RALGPS1: variants seen among roughly 807,000 people sequenced by gnomAD.
RALGPS1 encodes the protein ras-specific guanine nucleotide-releasing factor RalGPS1.
Under a neutral mutation model 78.8 loss-of-function variants are expected in RALGPS1, and 19 were observed. That is an observed-to-expected ratio of 0.24 (90% CI 0.17 to 0.35). The LOEUF is 0.35. Ranked by LOEUF, RALGPS1 falls within the 10% of genes least tolerant of loss-of-function variation. The pLI is 1.00. For missense variants in RALGPS1, 454 were observed against 688.3 expected (o/e 0.66, Z 3.81); for synonymous variants, 228 against 256.3 (o/e 0.89, Z 1.06).
chr9:126,920,886 C>G lies in RALGPS1; in HGVS notation c.-66+5911C>G, dbSNP rs117873451. ...GGCCAAGCAGTTTCAGGCTCGGGGC[C>G]AGGCAGACCCGGGTTCAAATCCTGC... On this transcript the variant is annotated intron_variant, in intron 1 of 18. Coordinates refer to ENST00000259351, the MANE Select transcript of RALGPS1 (RefSeq NM_014636.3). Among the ~76,000 whole-genome samples the G allele has an allele frequency of 2.5e-3, 385 of 152,278 alleles. 14 individuals are homozygous for G. In the East Asian group the frequency reaches 0.062, roughly 24 times the overall value.
intron 4 of RALGPS1, among the ~76,000 whole-genome samples, chr9:126,978,500 T>C (rs768851825): frequency 1.3e-4 from 20 of 150,720 alleles, no homozygotes; most frequent in Non-Finnish European, 2.8e-4. Context: ...AGTAGCTGAA[T>C]AGGGAGGCTG....
At chr9:127,035,457 G>T (rs2046784385) in intron 5 of RALGPS1, among the ~76,000 whole-genome samples, 2 of 152,188 alleles carry the variant, frequency 1.3e-5, no homozygotes, top group African/African-American at 2.4e-5. Context: ...TTGTACTGTT[G>T]TACTGTTGAC....
At position 127,142,545 on chromosome 9, in the gene RALGPS1, T is replaced by C. The variant is rs527765987; in HGVS notation, c.611-23524T>C. Among the ~76,000 whole-genome samples, 4 of 152,244 alleles carry C rather than the reference T, an allele frequency of 2.6e-5. No homozygotes were observed. In the East Asian group the frequency reaches 7.7e-4, roughly 29 times the overall value. On this transcript the variant is annotated intron_variant, in intron 8 of 18. Transcript: ENST00000259351. ...CATGGAGTGTCCAAACAGGTCAGAT[T>C]GAGTTAGCAGGTCCAGGACTCCCTC...
chr9:126,993,256 T>G lies in RALGPS1; in HGVS notation c.216+15511T>G, dbSNP rs141728954. On this transcript the variant is annotated intron_variant, in intron 4 of 18. Coordinates refer to ENST00000259351, the MANE Select transcript of RALGPS1 (RefSeq NM_014636.3). ...GTTATGATGAATTAATTATCTTTTT[T>G]GTATATTGTTGGATTTGATTTGTTA... 4.6e-4 allele frequency among the ~76,000 whole-genome samples: 70 copies of G among 152,360 alleles called. 1 individual carries two copies. The East Asian group carries it at 0.013, about 27-fold the overall frequency.
intron 11 of RALGPS1, chr9:127,184,198 G>A (rs887612125): frequency 1.4e-6 from 1 of 723,654 alleles, no homozygotes; most frequent in Non-Finnish European, 2.2e-6. Context: ...GGTGGTGCGT[G>A]CCTACAGCCC....
At chr9:127,012,310 A>C (rs1381203264) in intron 4 of RALGPS1, among the ~76,000 whole-genome samples, 4 of 152,156 alleles carry the variant, frequency 2.6e-5, no homozygotes, top group Non-Finnish European at 5.9e-5. Context: ...GGAAAGCTTA[A>C]AAAGTTTAAG....
chr9:126,934,070 A>G (rs2036046827), intron 1 of RALGPS1, among the ~76,000 whole-genome samples: 1 of 152,218 alleles, frequency 6.6e-6, no homozygotes, highest in African/African-American at 2.4e-5. Context: ...CATGATGGGA[A>G]AGGAAAATAG....
chr9:127,035,594 CCTT>C (rs2046797936), intron 5 of RALGPS1, among the ~76,000 whole-genome samples: 3 of 152,152 alleles, frequency 2.0e-5, no homozygotes, highest in African/African-American at 7.2e-5. Flanking sequence ...TCCAGCTGGG[CCTT>C]CTCTCTCGGA....
intron 11 of RALGPS1, among the ~76,000 whole-genome samples, chr9:127,176,139 G>A (rs960491831): frequency 2.6e-5 from 4 of 152,140 alleles, no homozygotes; most frequent in African/African-American, 7.2e-5. Context: ...CGGGGTCTCC[G>A]GAAATGCTAT....
At chr9:127,068,500 A>C (rs570978427) in intron 7 of RALGPS1, among the ~76,000 whole-genome samples, 1 of 152,212 alleles carries the variant, frequency 6.6e-6, no homozygotes, top group African/African-American at 2.4e-5. Flanking sequence ...GGGGATTCTG[A>C]CATCATGTAG....
intron 17 of RALGPS1, among the ~76,000 whole-genome samples, chr9:127,213,291 G>T (rs2062386129): frequency 6.6e-6 from 1 of 152,224 alleles, no homozygotes; most frequent in African/African-American, 2.4e-5. Flanking sequence ...ACCTATGGCT[G>T]CTGGGGCCCA....
At chr9:127,013,047 G>A (rs2044497567) in intron 4 of RALGPS1, among the ~76,000 whole-genome samples, 1 of 152,196 alleles carries the variant, frequency 6.6e-6, no homozygotes, top group African/African-American at 2.4e-5. Flanking sequence ...AAAGCATCCT[G>A]GTGGAGCTTC....
intron 8 of RALGPS1, chr9:127,088,810 A>G: frequency 9.0e-7 from 1 of 1,105,824 alleles, no homozygotes; most frequent in Non-Finnish European, 1.3e-6. Context: ...ACTTCGGAAA[A>G]CAGAATCCAG....
intron 3 of RALGPS1, among the ~76,000 whole-genome samples, chr9:126,968,283 G>T (rs939475298): frequency 6.6e-6 from 1 of 152,116 alleles, no homozygotes; most frequent in Non-Finnish European, 1.5e-5. Flanking sequence ...GGGATTACAG[G>T]CATGAGCCAC....
chr9:127,201,906 C>T (rs549183106), intron 14 of RALGPS1, among the ~76,000 whole-genome samples: 2 of 152,318 alleles, frequency 1.3e-5, no homozygotes, highest in Non-Finnish European at 2.9e-5. Flanking sequence ...CTCTGCAGGC[C>T]GCACCGCTCG....
intron 8 of RALGPS1, among the ~76,000 whole-genome samples, chr9:127,132,213 A>G (rs752766598): frequency 2.6e-5 from 4 of 152,196 alleles, no homozygotes; most frequent in Non-Finnish European, 5.9e-5. Flanking sequence ...CCCTGGGAAA[A>G]TGTAGCATTT....
At chr9:127,133,118 C>T (rs2057123368) in intron 8 of RALGPS1, among the ~76,000 whole-genome samples, 1 of 152,228 alleles carries the variant, frequency 6.6e-6, no homozygotes, top group Admixed American at 6.5e-5. Context: ...ACATGGTAAG[C>T]GTTAACTCTT....
intron 10 of RALGPS1, among the ~76,000 whole-genome samples, chr9:127,169,314 A>T (rs4836559): frequency 0.98 from 148,631 of 152,332 alleles, 72,519 homozygotes; most frequent in East Asian, 1. Context: ...GTAGAGCCCC[A>T]GTGGAGTAGA....
intron 11 of RALGPS1, chr9:127,177,828 A>T (rs2059967968): frequency 6.5e-7 from 1 of 1,545,180 alleles, no homozygotes; most frequent in East Asian, 2.5e-5. Flanking sequence ...GCCCTGGCCC[A>T]GCCTCCTCAG....
Sources: gnomAD v4.1 joint callset for allele counts (sites outside exome capture counted in the v4.1 genomes callset) on GRCh38, gnomAD v4.1.1 for gene constraint, MANE v1.5 for transcripts, NCBI Gene and HGNC (gene_info 2026-07-23, HGNC 2026-07-21) for gene names.